Variants in ESYT2 observed in about 807,000 individuals in gnomAD.
The protein encoded by ESYT2 is extended synaptotagmin 2.
In ESYT2, 54 loss-of-function variants were observed where a neutral mutation model predicts 107.2. The observed-to-expected ratio is 0.50, with a 90% CI of 0.40 to 0.63. ESYT2 has a LOEUF of 0.63. ESYT2 is among the 30% of genes least tolerant of loss of function. The pLI, the probability that ESYT2 is intolerant of heterozygous loss-of-function variation, is 0.00. For missense variants in ESYT2, 1,020 were observed against 1,094.5 expected, an observed-to-expected ratio of 0.93 and a Z score of 0.96; for synonymous variants, 491 against 434.1, an observed-to-expected ratio of 1.13 and a Z score of -1.63.
At chr7:158,743,783 A>C (rs1837302473) in intron 16 of ESYT2, 105 bp from the exon 17 acceptor site, 5 of 1,290,404 alleles carry the variant, frequency 3.9e-6, no homozygotes, top group Non-Finnish European at 5.1e-6. Context: ...ATAGGAACTT[A>C]GAAAATGTAG....
chr7:158,782,289 GTGTGA>G (rs1382673717), intron 6 of ESYT2, among the ~76,000 whole-genome samples: 26 of 48,140 alleles, frequency 5.4e-4, no homozygotes, highest in African/African-American at 6.6e-4. Flanking sequence ...TGTGAGAAAT[GTGTGA>G]AACAAGTGAA....
chr7:158,767,823 T>C, intron 7 of ESYT2, 49 bp from the exon 8 acceptor site: 1 of 1,579,426 alleles, frequency 6.3e-7, no homozygotes, highest in Non-Finnish European at 8.6e-7. Flanking sequence ...GACATGTGAA[T>C]GCTTCTCTCA....
In ESYT2 at chr7:158,788,390, C is replaced by T; in HGVS notation, c.612G>A (p.Leu204=). 1 of 1,611,546 alleles carries T rather than the reference C, an allele frequency of 6.2e-7. No homozygotes were observed. Among genetic ancestry groups the T allele is most frequent in the Non-Finnish European group, 8.5e-7 (1 of 1,179,306 alleles). The change falls in exon 5 of 23, where the codon TTG becomes TTA. Residue 204 remains leucine, a synonymous_variant. Transcript: ENST00000275418. ...ISFVGNCEID[L]EIKRYFCRAG... ...CTCTACAAAAATATCGTTTGATCTC[C>T]AAATCAATCTCACAATTTCCTACAA...
intron 1 of ESYT2, among the ~76,000 whole-genome samples, chr7:158,828,695 A>AGCGGCGAGCAGCGG (rs1010949421): frequency 1.3e-5 from 2 of 152,124 alleles, no homozygotes; most frequent in African/African-American, 4.8e-5. Context: ...CTAGGGCGGG[A>AGCGGCGAGCAGCGG]GCGGCGAGCA....
intron 3 of ESYT2, among the ~76,000 whole-genome samples, chr7:158,796,739 G>A (rs1839470642): frequency 6.6e-6 from 1 of 152,082 alleles, no homozygotes; most frequent in African/African-American, 2.4e-5. Context: ...GCGGGCGAGA[G>A]GGAAGCAGGA....
At chr7:158,778,754 T>C (rs1203642275) in intron 6 of ESYT2, among the ~76,000 whole-genome samples, 1 of 152,116 alleles carries the variant, frequency 6.6e-6, no homozygotes, top group Non-Finnish European at 1.5e-5. Context: ...GTACAAAACA[T>C]GTTTGCAGTT....
At chr7:158,806,125 G>A (rs1194949468) in intron 1 of ESYT2, among the ~76,000 whole-genome samples, 2 of 150,892 alleles carry the variant, frequency 1.3e-5, no homozygotes, top group East Asian at 2.0e-4. Flanking sequence ...GGCACACCGC[G>A]TGGGAGGTGC....
intron 7 of ESYT2, among the ~76,000 whole-genome samples, chr7:158,769,598 T>A (rs1838283666): frequency 6.6e-6 from 1 of 152,250 alleles, no homozygotes; most frequent in Non-Finnish European, 1.5e-5. Context: ...CCGTATTTTG[T>A]TTCCACCATA....
chr7:158,783,289 T>C (rs1459686591), intron 6 of ESYT2, among the ~76,000 whole-genome samples: 1 of 152,172 alleles, frequency 6.6e-6, no homozygotes, highest in Non-Finnish European at 1.5e-5. Flanking sequence ...CTACGTTCCC[T>C]AATCCGTTGT....
At chr7:158,781,394 A>G (rs1297421919) in intron 6 of ESYT2, among the ~76,000 whole-genome samples, 3 of 150,564 alleles carry the variant, frequency 2.0e-5, no homozygotes, top group Non-Finnish European at 1.5e-5. Context: ...GAGTGTTGAG[A>G]ACAAAGTGTG....
chr7:158,819,658 GT>G (rs1840238270), intron 1 of ESYT2, among the ~76,000 whole-genome samples: 1 of 152,240 alleles, frequency 6.6e-6, no homozygotes, highest in East Asian at 1.9e-4. Flanking sequence ...TGCAGGTAAC[GT>G]TTTTCTTCTT....
chr7:158,782,647 A>AAG (rs1554587070), intron 6 of ESYT2, among the ~76,000 whole-genome samples: 1 of 49,034 alleles, frequency 2.0e-5, no homozygotes, highest in Non-Finnish European at 7.1e-5. Flanking sequence ...TGTGAGAACA[A>AAG]AGAAGTATTA....
chr7:158,747,120 C>T (rs533548726), intron 16 of ESYT2, among the ~76,000 whole-genome samples: 10 of 152,072 alleles, frequency 6.6e-5, no homozygotes, highest in East Asian at 3.9e-4. Context: ...CCACAGTGGG[C>T]GGATCAGCTG....
intron 1 of ESYT2, among the ~76,000 whole-genome samples, chr7:158,802,968 G>C (rs542533192): frequency 4.6e-4 from 70 of 152,318 alleles, no homozygotes; most frequent in African/African-American, 1.6e-3. Flanking sequence ...TAACCCTTTA[G>C]GCACTATTTT....
In ESYT2 at chr7:158,749,610, C is replaced by G. The variant is rs373662181; in HGVS notation, c.1557+39G>C. On this transcript the variant is annotated intron_variant, in intron 15 of 22. Transcript: ENST00000275418. The stretch of plus-strand genomic sequence containing the variant: ...GACGGCAACACGGACAGCGCCCGCA[C>G]GACAGGCACCAAGGCTGAGTCCAGG... The G allele has an allele frequency of 2.5e-6, 4 of 1,602,574 alleles. No individual in the cohort carries two copies. In the South Asian group the frequency reaches 3.3e-5, roughly 13 times the overall value.
chr7:158,757,496 A>G (rs1837800216), intron 13 of ESYT2, among the ~76,000 whole-genome samples: 1 of 152,192 alleles, frequency 6.6e-6, no homozygotes, highest in African/African-American at 2.4e-5. Context: ...TGAGAGCACC[A>G]GGAGCACCAC....
At chr7:158,756,166 C>T (rs771427758) in intron 13 of ESYT2, among the ~76,000 whole-genome samples, 1 of 152,132 alleles carries the variant, frequency 6.6e-6, no homozygotes, top group Non-Finnish European at 1.5e-5. Context: ...AAATGCAAAG[C>T]GCTATCACTG....
chr7:158,760,482 A>T (rs1173075446), intron 11 of ESYT2, among the ~76,000 whole-genome samples: 1 of 152,160 alleles, frequency 6.6e-6, no homozygotes, highest in Non-Finnish European at 1.5e-5. Flanking sequence ...CTACCTAGAG[A>T]CAGTAAAGTC....
intron 15 of ESYT2, 52 bp downstream of exon 15, chr7:158,749,597 G>C: frequency 6.3e-7 from 1 of 1,577,822 alleles, no homozygotes; most frequent in Non-Finnish European, 8.7e-7. Flanking sequence ...CGGCAACACG[G>C]ACAGCGCCCG....
Sources: gnomAD v4.1 joint callset for allele counts (sites outside exome capture counted in the v4.1 genomes callset) on GRCh38, gnomAD v4.1.1 for gene constraint, MANE v1.5 for transcripts, NCBI Gene and HGNC (gene_info 2026-07-23, HGNC 2026-07-21) for gene names.